Variants in PIWIL4 observed in about 807,000 individuals in gnomAD.
PIWIL4 encodes the protein piwi-like protein 4.
A neutral mutation model predicts 100.9 loss-of-function variants in PIWIL4; 50 were observed. The ratio of observed to expected loss-of-function variants is 0.50; its 90% CI spans 0.39 to 0.63. The LOEUF (loss-of-function observed/expected upper bound fraction) is 0.63, where lower values mean the gene tolerates loss of function less well. Among genes scored for constraint, PIWIL4 ranks in the 20% least tolerant of loss-of-function variants. The pLI, the probability that PIWIL4 is intolerant of heterozygous loss-of-function variation, is 0.00. For synonymous variants in PIWIL4, 342 were observed against 367.5 expected (o/e 0.93, Z 0.79); for missense variants, 887 against 1,043.3 (o/e 0.85, Z 2.06).
chr11:94,596,839 T>C lies in PIWIL4; in HGVS notation c.1269-965T>C, dbSNP rs75931026. Among the ~76,000 whole-genome samples the C allele has an allele frequency of 7.3e-3, 1,115 of 152,274 alleles. 11 individuals are homozygous for C. The highest frequency in any genetic ancestry group is 0.025 in the African/African-American group (1,043 of 41,540). ...AAAATAATTAACTCAAAGGAATTAG[T>C]GTGACCAGAGAAGACATAATCCGAA... On this transcript the variant is annotated intron_variant, in intron 10 of 19. Transcript: ENST00000299001.
chr11:94,594,431 A>C (rs1357016959), intron 9 of PIWIL4, among the ~76,000 whole-genome samples: 1 of 149,162 alleles, frequency 6.7e-6, no homozygotes, highest in Non-Finnish European at 1.5e-5. Flanking sequence ...ACGCCAGTGC[A>C]CTCCAGCCTG....
chr11:94,591,704 A>T (rs1409694923), intron 8 of PIWIL4, among the ~76,000 whole-genome samples: 8 of 152,146 alleles, frequency 5.3e-5, no homozygotes, highest in African/African-American at 1.9e-4. Context: ...TTCACTGCAT[A>T]TATATTGTAA....
chr11:94,599,334 G>A (rs752067259), intron 11 of PIWIL4, among the ~76,000 whole-genome samples: 5 of 152,170 alleles, frequency 3.3e-5, no homozygotes, highest in Non-Finnish European at 7.3e-5. Flanking sequence ...ATTAAAACAG[G>A]AGAACTCATG....
chr11:94,568,682 G>A (rs780390995), intron 1 of PIWIL4, 48 bp from the exon 2 acceptor site: 1 of 1,425,034 alleles, frequency 7.0e-7, no homozygotes, highest in South Asian at 1.2e-5. Context: ...CTTTTGGTTT[G>A]TGACTTACCA....
At chr11:94,619,417 T>C (rs1423270518) in intron 17 of PIWIL4, among the ~76,000 whole-genome samples, 1 of 151,916 alleles carries the variant, frequency 6.6e-6, no homozygotes, top group Non-Finnish European at 1.5e-5. Flanking sequence ...ATAGGTTGAG[T>C]CACTAATCAC....
Position 94,575,136 on chromosome 11 carries a change from C to A in PIWIL4, c.298+6C>A. 1 of 1,612,336 alleles carries A rather than the reference C, an allele frequency of 6.2e-7. No homozygotes were observed. Among genetic ancestry groups the A allele is most frequent in the South Asian group, 1.1e-5 (1 of 90,548 alleles). ...TGTGAGAAATTGTAAAACAGGTACC[C>A]AGTTTTATGTCACTTACTTTTTTAA... is the stretch of plus-strand genomic sequence containing the variant. On this transcript the variant is annotated splice_donor_region_variant and intron_variant, in intron 3 of 19. Coordinates refer to ENST00000299001, the MANE Select transcript of PIWIL4 (RefSeq NM_152431.3).
At chr11:94,601,354 TGTTA>T (rs138891530) in intron 11 of PIWIL4, among the ~76,000 whole-genome samples, 28,289 of 151,976 alleles carry the variant, frequency 0.19, 3,067 homozygotes, top group East Asian at 0.27. Context: ...CTGTAGGGTG[TGTTA>T]GTTTTATTAT....
intron 13 of PIWIL4, among the ~76,000 whole-genome samples, chr11:94,606,641 T>C (rs1295977689): frequency 6.6e-6 from 1 of 152,138 alleles, no homozygotes; most frequent in African/African-American, 2.4e-5. Context: ...GAGTCCAGCC[T>C]GGCCAACATA....
rs1181947464 is a variant in PIWIL4 at position 94,577,532 on chromosome 11, G to A, written c.513+40G>A. ...GTTTTTTTACTGTATATGTGGGTGT[G>A]TGTTTATTATATGTGTATACACACA... On this transcript the variant is annotated intron_variant, in intron 4 of 19. Coordinates refer to ENST00000299001, the MANE Select transcript of PIWIL4 (RefSeq NM_152431.3). 4.0e-6 allele frequency: 6 copies of A among 1,506,726 alleles called. No homozygotes were observed. In the Admixed American group the frequency reaches 9.2e-5, roughly 23 times the overall value. 93.3% of individuals were successfully genotyped at this position (1,506,726 alleles called of 1,614,324 possible). A position where few individuals can be genotyped will look rare whatever the true frequency, so the allele number is the denominator to read the frequency against.
intron 15 of PIWIL4, among the ~76,000 whole-genome samples, chr11:94,614,792 G>T (rs1264758507): frequency 6.6e-6 from 1 of 152,100 alleles, no homozygotes; most frequent in Non-Finnish European, 1.5e-5. Context: ...CACACTTCTG[G>T]TTCTCACTTG....
chr11:94,585,402 A>G (rs750199584), intron 5 of PIWIL4, 43 bp from the exon 6 acceptor site: 1 of 1,373,540 alleles, frequency 7.3e-7, no homozygotes, highest in Non-Finnish European at 1.0e-6. Flanking sequence ...TTACACTGTT[A>G]CTGACTGATA....
chr11:94,592,172 T>C (rs572981237), intron 8 of PIWIL4, among the ~76,000 whole-genome samples: 94 of 152,252 alleles, frequency 6.2e-4, no homozygotes, highest in Non-Finnish European at 1.2e-3. Flanking sequence ...TACTGAGTGG[T>C]ATAATAAGCA....
intron 2 of PIWIL4, among the ~76,000 whole-genome samples, chr11:94,571,409 A>G (rs1032060688): frequency 6.6e-6 from 1 of 152,120 alleles, no homozygotes; most frequent in African/African-American, 2.4e-5. Flanking sequence ...TACATTAGGT[A>G]TATCTCCTAA....
chr11:94,613,610 C>T (rs1278684752), intron 15 of PIWIL4, among the ~76,000 whole-genome samples: 2 of 152,164 alleles, frequency 1.3e-5, no homozygotes, highest in African/African-American at 2.4e-5. Context: ...TATGGTATCC[C>T]AAAAACTCCA....
chr11:94,582,128 G>C (rs575408966), intron 4 of PIWIL4, among the ~76,000 whole-genome samples: 3 of 152,206 alleles, frequency 2.0e-5, no homozygotes, highest in South Asian at 4.2e-4. Context: ...ACAAGGCGGG[G>C]CTGAAGAGTT....
rs16920646 is a variant in PIWIL4 at position 94,585,514 on chromosome 11, T to A, written c.705T>A (p.Ile235=). ...NFYNPSEPME[I]PQHKLSLWPG... ...ATAATCCTTCAGAGCCAATGGAAAT[T>A]CCCCAGCACAAGTAGGTTTATTTAT... The change falls in exon 6 of 20, where the codon ATT becomes ATA. Residue 235 remains isoleucine, a synonymous_variant. Transcript: ENST00000299001. 3,622 of 1,606,924 alleles carry A rather than the reference T, an allele frequency of 2.3e-3. 81 individuals carry two copies. The African/African-American group carries it at 0.044, about 19-fold the overall frequency.
rs781503478 is a variant in PIWIL4 at position 94,583,575 on chromosome 11, G to A, written c.635+6G>A. 8.7e-6 allele frequency: 14 copies of A among 1,613,792 alleles called. No homozygotes were observed. The highest frequency in any genetic ancestry group is 1.2e-5 in the Non-Finnish European group (14 of 1,179,768). On this transcript the variant is annotated splice_donor_region_variant and intron_variant, in intron 5 of 19. Transcript: ENST00000299001. Reference sequence around the variant, plus strand: ...TTCAATATCATCTTCAGAAAGTAAGGCACTGGAAATGTGAATTTAATTTGG... The same window carrying A: ...TTCAATATCATCTTCAGAAAGTAAGACACTGGAAATGTGAATTTAATTTGG...
chr11:94,606,695 G>A (rs4480497), intron 13 of PIWIL4, among the ~76,000 whole-genome samples: 12,394 of 152,116 alleles, frequency 0.081, 637 homozygotes, highest in Admixed American at 0.11. Flanking sequence ...TTAGCCGGGC[G>A]TGGTGGCAGG....
Position 94,620,956 on chromosome 11 carries a change from C to T in PIWIL4, c.2523C>T (p.Pro841=). The T allele has an allele frequency of 6.2e-7, 1 of 1,613,568 alleles. No individual in the cohort carries two copies. The highest frequency in any genetic ancestry group is 8.5e-7 in the Non-Finnish European group (1 of 1,179,862). ...FLVAQSIHKE[P]SLELANHLFY... ...TGGCACAAAGCATTCATAAAGAACCCAGTCTGGAATTAGCCAACCATCTCT... is the reference window on the plus strand; with the variant it reads ...TGGCACAAAGCATTCATAAAGAACCTAGTCTGGAATTAGCCAACCATCTCT... The change falls in exon 20 of 20, where the codon CCC becomes CCT. Residue 841 remains proline, a synonymous_variant. Coordinates refer to ENST00000299001, the MANE Select transcript of PIWIL4 (RefSeq NM_152431.3).
Sources: gnomAD v4.1 joint callset for allele counts (sites outside exome capture counted in the v4.1 genomes callset) on GRCh38, gnomAD v4.1.1 for gene constraint, MANE v1.5 for transcripts, NCBI Gene and HGNC (gene_info 2026-07-23, HGNC 2026-07-21) for gene names.